PCDHA11: variants seen among roughly 807,000 people sequenced by gnomAD.
The protein encoded by PCDHA11 is protocadherin alpha 11.
PCDHA11 carries 61 observed loss-of-function variants against 70.3 expected under a neutral mutation model. The observed-to-expected ratio is 0.87, with a 90% CI of 0.71 to 1.07. The LOEUF (loss-of-function observed/expected upper bound fraction) is 1.07, where lower values mean the gene tolerates loss of function less well. PCDHA11 is among the 50% of genes least tolerant of loss of function. PCDHA11 has a pLI of 0.00. For missense variants in PCDHA11, 1,324 were observed against 1,237.5 expected (o/e 1.07, Z -1.05); for synonymous variants, 633 against 555.1 (o/e 1.14, Z -1.97).
intron 1 of PCDHA11, among the ~76,000 whole-genome samples, chr5:140,901,060 AT>A (rs542927280): frequency 1.3e-5 from 2 of 151,130 alleles, no homozygotes; most frequent in East Asian, 3.9e-4. Flanking sequence ...AGATTATTAG[AT>A]TTTTTTTTCT....
In PCDHA11 at chr5:140,869,327, T is replaced by C; in HGVS notation, c.224T>C (p.Leu75Pro). 6.2e-7 allele frequency: 1 copy of C among 1,613,922 alleles called. No homozygotes were observed. The highest frequency in any genetic ancestry group is 8.5e-7 in the Non-Finnish European group (1 of 1,180,024). Residue 75 changes from leucine to proline, a missense_variant, in exon 1 of 4, where the codon CTG becomes CCG. Coordinates refer to ENST00000398640, the MANE Select transcript of PCDHA11 (RefSeq NM_018902.5). ...RVASKTHGDLLEVNLQNGILF... is the reference protein window; with the variant it reads ...RVASKTHGDLPEVNLQNGILF... The stretch of plus-strand genomic sequence containing the variant: ...GCGTCCAAAACACATGGGGACCTTC[T>C]GGAGGTAAATCTGCAGAATGGCATT...
chr5:140,923,865 A>G (rs1422887617), intron 1 of PCDHA11, among the ~76,000 whole-genome samples: 1 of 152,226 alleles, frequency 6.6e-6, no homozygotes, highest in Non-Finnish European at 1.5e-5. Flanking sequence ...GGGAAGCCAA[A>G]AATCTGAGAA....
rs781886107 is a variant in PCDHA11 at position 140,870,037 on chromosome 5, A to G, written c.934A>G (p.Asn312Asp). 6.2e-7 allele frequency: 1 copy of G among 1,613,778 alleles called. No individual in the cohort carries two copies. The highest frequency in any genetic ancestry group is 1.7e-5 in the Admixed American group (1 of 60,026). Residue 312 changes from asparagine (N) to aspartate (D), a missense_variant, in exon 1 of 4, where the codon AAC becomes GAC. Physicochemically the swap from Asn to Asp is conservative, Grantham distance 23 (BLOSUM62 1). Coordinates refer to ENST00000398640, the MANE Select transcript of PCDHA11 (RefSeq NM_018902.5). Reference protein sequence around the residue: ...RVNGTLDYEENKFYKIEVQAT... With the variant: ...RVNGTLDYEEDKFYKIEVQAT... ...CAATGGAACTTTAGATTATGAAGAA[A>G]ACAAGTTTTATAAAATTGAAGTACA... is the stretch of plus-strand genomic sequence containing the variant.
chr5:140,883,377 C>T lies in PCDHA11; in HGVS notation c.2391+11883C>T, dbSNP rs1436655611. On this transcript the variant is annotated intron_variant, in intron 1 of 3. Coordinates refer to ENST00000398640, the MANE Select transcript of PCDHA11 (RefSeq NM_018902.5). ...GACACTCAGCCTAGCGCCATTATTG[C>T]CCTAATCAGTGTGTCCGATCGTGAC... The T allele has an allele frequency of 1.5e-5, 25 of 1,614,054 alleles. No individual in the cohort carries two copies. Among genetic ancestry groups the T allele is most frequent in the Non-Finnish European group, 2.0e-5 (24 of 1,180,036 alleles).
At chr5:140,991,298 A>G (rs555776023) in intron 3 of PCDHA11, among the ~76,000 whole-genome samples, 1 of 152,288 alleles carries the variant, frequency 6.6e-6, no homozygotes, top group Non-Finnish European at 1.5e-5. Context: ...ACACATTACT[A>G]TTATCTTGTC....
chr5:140,886,102 G>A (rs1040004596), intron 1 of PCDHA11, among the ~76,000 whole-genome samples: 17 of 152,136 alleles, frequency 1.1e-4, no homozygotes, highest in Admixed American at 1.3e-4. Flanking sequence ...CATTGATACA[G>A]TAAAGAAGTA....
chr5:140,996,311 G>C lies in PCDHA11; in HGVS notation c.2540-13316G>C, dbSNP rs191577867. On this transcript the variant is annotated intron_variant, in intron 3 of 3. Coordinates refer to ENST00000398640, the MANE Select transcript of PCDHA11 (RefSeq NM_018902.5). ...GAAGCACAGATTGTAACAAAGTAAG[G>C]GGGGAGGGTAGAGAAGAAAAGTTTG... is the stretch of plus-strand genomic sequence containing the variant. 9.0e-4 allele frequency among the ~76,000 whole-genome samples: 137 copies of C among 152,302 alleles called. 1 individual carries two copies. The highest frequency in any genetic ancestry group is 2.8e-3 in the African/African-American group (118 of 41,574).
At chr5:140,953,551 T>C (rs565115779) in intron 1 of PCDHA11, among the ~76,000 whole-genome samples, 1 of 152,240 alleles carries the variant, frequency 6.6e-6, no homozygotes, top group East Asian at 1.9e-4. Flanking sequence ...GATTCTTTTC[T>C]CCAAGTTTTA....
chr5:140,870,489 C>A lies in PCDHA11; in HGVS notation c.1386C>A (p.Phe462Leu). The change falls in exon 1 of 4, where the codon TTC becomes TTA. Residue 462 changes from phenylalanine (F) to leucine (L), a missense_variant. Phe to Leu is a conservative substitution (Grantham distance 22). Coordinates refer to ENST00000398640, the MANE Select transcript of PCDHA11 (RefSeq NM_018902.5). ...TCGCACAGCCCGAGTACACCGTGTT[C>A]GTGAAGGAGAACAACCCACCAGGCT... ...PAFAQPEYTVFVKENNPPGCH... is the reference protein window; with the variant it reads ...PAFAQPEYTVLVKENNPPGCH... 6.2e-7 allele frequency: 1 copy of A among 1,614,222 alleles called. No individual in the cohort carries two copies. The highest frequency in any genetic ancestry group is 1.1e-5 in the South Asian group (1 of 91,092).
At chr5:140,927,905 C>T in intron 1 of PCDHA11, 3 of 1,614,210 alleles carry the variant, frequency 1.9e-6, no homozygotes, top group Non-Finnish European at 2.5e-6. Context: ...GATCATGCCC[C>T]CGAACTGGAC....
chr5:140,953,293 G>A (rs1410676265), intron 1 of PCDHA11, among the ~76,000 whole-genome samples: 3 of 152,084 alleles, frequency 2.0e-5, no homozygotes, highest in Admixed American at 2.0e-4. Context: ...GTGATTCAGG[G>A]ACGGCAGAGA....
At chr5:140,901,482 G>A (rs1348405650) in intron 1 of PCDHA11, among the ~76,000 whole-genome samples, 8 of 152,010 alleles carry the variant, frequency 5.3e-5, no homozygotes, top group African/African-American at 1.9e-4. Context: ...TATGTTCTTG[G>A]CACCTTCATC....
Position 140,882,921 on chromosome 5 carries a change from G to A in PCDHA11, c.2391+11427G>A, listed in dbSNP as rs1554176106. ...TTATTACTGACAGCCAGTGATGGAG[G>A]TAAACCCGAGCTGACTGGCACAGTT... On this transcript the variant is annotated intron_variant, in intron 1 of 3. Coordinates refer to ENST00000398640, the MANE Select transcript of PCDHA11 (RefSeq NM_018902.5). 5.0e-6 allele frequency: 8 copies of A among 1,614,194 alleles called. No individual in the cohort carries two copies. Among genetic ancestry groups the A allele is most frequent in the Non-Finnish European group, 6.8e-6 (8 of 1,180,048 alleles).
intron 3 of PCDHA11, among the ~76,000 whole-genome samples, chr5:140,994,222 CTA>C (rs1219184690): frequency 6.6e-6 from 1 of 152,168 alleles, no homozygotes; most frequent in Non-Finnish European, 1.5e-5. Context: ...CAGGGTCTGT[CTA>C]TGTTATAATC....
At chr5:140,927,630 A>C in intron 1 of PCDHA11, 1 of 1,614,182 alleles carries the variant, frequency 6.2e-7, no homozygotes, top group Non-Finnish European at 8.5e-7. Context: ...CAGAGACTGC[A>C]CCCAATGGGA....
At chr5:140,942,754 A>C (rs1157116096) in intron 1 of PCDHA11, among the ~76,000 whole-genome samples, 1 of 152,212 alleles carries the variant, frequency 6.6e-6, no homozygotes, top group African/African-American at 2.4e-5. Context: ...TGTATAAATG[A>C]GATGGCATAA....
intron 1 of PCDHA11, among the ~76,000 whole-genome samples, chr5:140,937,898 T>C (rs11950543): frequency 0.02 from 2,906 of 145,270 alleles, 39 homozygotes; most frequent in East Asian, 0.058. Flanking sequence ...GGCGACAGAG[T>C]GAGACTCCGT....
chr5:140,892,509 A>G (rs2063553980), intron 1 of PCDHA11, among the ~76,000 whole-genome samples: 1 of 152,220 alleles, frequency 6.6e-6, no homozygotes, highest in Admixed American at 6.5e-5. Context: ...AAGAAGTTCC[A>G]CCATGACTGG....
rs1274589805 is a variant in PCDHA11, at chr5:140,906,709, G to T, written c.2391+35215G>T. Among the ~76,000 whole-genome samples the T allele has an allele frequency of 3.3e-5, 5 of 152,190 alleles. No individual in the cohort carries two copies. In the East Asian group the frequency reaches 9.6e-4, roughly 29 times the overall value. ...AAGGATCTGGGCCATTTGTAGTCCT[G>T]CCTGGATTGTGCTGTTGTAGTTTCC... On this transcript the variant is annotated intron_variant, in intron 1 of 3. Transcript: ENST00000398640.
Sources: allele counts gnomAD v4.1 joint callset (sites outside exome capture counted in the v4.1 genomes callset), GRCh38; gene constraint gnomAD v4.1.1; transcripts MANE v1.5; gene names NCBI Gene and HGNC (gene_info 2026-07-23, HGNC 2026-07-21).